Variants in TRIM24 observed in about 807,000 individuals in gnomAD.
TRIM24 encodes tripartite motif containing 24.
A neutral mutation model predicts 123.9 loss-of-function variants in TRIM24; 29 were observed. The observed-to-expected ratio is 0.23, with a 90% confidence interval of 0.17 to 0.32. The LOEUF is 0.32. Ranked by LOEUF, TRIM24 falls within the 10% of genes least tolerant of loss-of-function variation. The pLI is 1.00. For missense variants in TRIM24, 932 were observed against 1,295.3 expected, an observed-to-expected ratio of 0.72 and a Z score of 4.31; for synonymous variants, 456 against 461.1, an observed-to-expected ratio of 0.99 and a Z score of 0.14.
At chr7:138,577,392 T>A (rs1274264234) in intron 13 of TRIM24, 28 bp from the exon 14 acceptor site, 1 of 1,474,784 alleles carries the variant, frequency 6.8e-7, no homozygotes, top group East Asian at 2.5e-5. Flanking sequence ...ATTCTTAGAT[T>A]GCTTTTTCTT....
intron 1 of TRIM24, among the ~76,000 whole-genome samples, chr7:138,465,741 ATATACATATTTT>A (rs1204764913): frequency 6.6e-6 from 1 of 152,188 alleles, no homozygotes; most frequent in African/African-American, 2.4e-5. Context: ...ATATATAAAA[ATATACATATTTT>A]TATTCACCTG....
chr7:138,521,540 A>C lies in TRIM24; in HGVS notation c.764+2219A>C, dbSNP rs539107143. ...TATAAACAAAGGCCAAAAAAATGAG[A>C]AAAAGAAATAAAGAACAGATGGAAT... is the stretch of plus-strand genomic sequence containing the variant. On this transcript the variant is annotated intron_variant, in intron 4 of 18. Coordinates refer to ENST00000343526, the MANE Select transcript of TRIM24 (RefSeq NM_015905.3). Among the ~76,000 whole-genome samples the C allele has an allele frequency of 7.2e-5, 11 of 152,318 alleles. No homozygotes were observed. In the South Asian group the frequency reaches 1.5e-3, roughly 20 times the overall value.
rs922817199 is a variant in TRIM24, at chr7:138,589,435, A to G, written c.*4484A>G. On this transcript the variant is annotated 3_prime_UTR_variant, in exon 19 of 19. Transcript: ENST00000343526. Reference sequence around the variant, plus strand: ...AAATTACTGAATGTTACTTCAGCAGAGTTCTATCTACTTTGAGTCTCCATT... The same window carrying G: ...AAATTACTGAATGTTACTTCAGCAGGGTTCTATCTACTTTGAGTCTCCATT... 9 of 152,214 alleles carry G rather than the reference A, an allele frequency of 5.9e-5. No homozygotes were observed. The highest frequency in any genetic ancestry group is 2.2e-4 in the African/African-American group (9 of 41,454). The allele number at this position is 152,214 out of a possible 1,614,324, so 9.4% of individuals were successfully genotyped here.
chr7:138,481,482 TTGAATTTTA>T (rs1204365258), intron 1 of TRIM24, among the ~76,000 whole-genome samples: 6 of 152,154 alleles, frequency 3.9e-5, no homozygotes, highest in Non-Finnish European at 8.8e-5. Context: ...ATTTGAATTT[TTGAATTTTA>T]TGAATCTCTG....
At position 138,508,788 on chromosome 7, in the gene TRIM24, C is replaced by CT. The variant is rs1296636287; in HGVS notation, c.483+4381dup. ...GCAATAGTCATTGCTGTCTCCCTTG[C>CT]TGTTTTTTCTGTTCTAGACCTTGAA... On this transcript the variant is annotated intron_variant, in intron 2 of 18. Transcript: ENST00000343526. 7.3e-5 allele frequency among the ~76,000 whole-genome samples: 11 copies of CT among 151,552 alleles called. 1 individual carries two copies. Among genetic ancestry groups the CT allele is most frequent in the African/African-American group, 2.2e-4 (9 of 41,318 alleles).
intron 9 of TRIM24, among the ~76,000 whole-genome samples, chr7:138,566,741 C>T (rs1797543422): frequency 1.3e-5 from 2 of 152,112 alleles, no homozygotes; most frequent in African/African-American, 2.4e-5. Context: ...ATACCTACTT[C>T]ATAAGACTCA....
intron 14 of TRIM24, 77 bp downstream of exon 14, chr7:138,577,665 GT>G (rs955226176): frequency 2.0e-4 from 238 of 1,174,520 alleles, no homozygotes; most frequent in South Asian, 3.7e-4. Context: ...GCTCTTAGGA[GT>G]TTTTTTTTAA....
chr7:138,508,724 T>C lies in TRIM24; in HGVS notation c.483+4316T>C, dbSNP rs930730558. On this transcript the variant is annotated intron_variant, in intron 2 of 18. Transcript: ENST00000343526. ...GCGTGTGTGCGTGTGTGTGTGCGTG[T>C]GTGTGTGTGTGTGTGTGTGTGTCAC... is the stretch of plus-strand genomic sequence containing the variant. Among the ~76,000 whole-genome samples, 260 of 148,798 alleles carry C rather than the reference T, an allele frequency of 1.7e-3. 1 individual carries two copies. Among genetic ancestry groups the C allele is most frequent in the Admixed American group, 4.6e-3 (68 of 14,930 alleles).
At chr7:138,476,911 G>A (rs995998020) in intron 1 of TRIM24, among the ~76,000 whole-genome samples, 89 of 152,204 alleles carry the variant, frequency 5.8e-4, no homozygotes, top group African/African-American at 2.0e-3. Flanking sequence ...ATAAATGACT[G>A]GTGGAATAAA....
chr7:138,526,711 C>T (rs1015075308), intron 5 of TRIM24, among the ~76,000 whole-genome samples: 1 of 152,068 alleles, frequency 6.6e-6, no homozygotes, highest in Non-Finnish European at 1.5e-5. Flanking sequence ...ATACCTGGCC[C>T]TGTTTTTACT....
Position 138,490,891 on chromosome 7 carries a change from G to A in TRIM24, c.365-13399G>A, listed in dbSNP as rs1469848879. The A allele has an allele frequency of 9.1e-6, 4 of 437,966 alleles. No homozygotes were observed. In the East Asian group the frequency reaches 1.9e-4, roughly 21 times the overall value. The allele number at this position is 437,966 out of a possible 1,614,324, so 27.1% of individuals were successfully genotyped here. A position where few individuals can be genotyped will look rare whatever the true frequency, so the allele number is the denominator to read the frequency against. On this transcript the variant is annotated intron_variant, in intron 1 of 18. Transcript: ENST00000343526. ...ATCTTCTTCTGGATTTGGCAGACCTGTTGGTGCAGAGCATAAGAGATCTTC... is the reference window on the plus strand; with the variant it reads ...ATCTTCTTCTGGATTTGGCAGACCTATTGGTGCAGAGCATAAGAGATCTTC...
intron 7 of TRIM24, among the ~76,000 whole-genome samples, chr7:138,545,114 C>T (rs1011703149): frequency 1.3e-5 from 2 of 151,976 alleles, no homozygotes; most frequent in African/African-American, 4.8e-5. Context: ...AGACTTGGAC[C>T]GTATCCCCAA....
intron 8 of TRIM24, among the ~76,000 whole-genome samples, chr7:138,552,547 G>A (rs977138714): frequency 2.0e-5 from 3 of 152,044 alleles, no homozygotes; most frequent in African/African-American, 7.2e-5. Flanking sequence ...TATCTTTGAT[G>A]ATTTTGGTGG....
chr7:138,530,559 T>A (rs1796709803), intron 6 of TRIM24, among the ~76,000 whole-genome samples: 1 of 152,040 alleles, frequency 6.6e-6, no homozygotes, highest in Non-Finnish European at 1.5e-5. Context: ...CTCCACCTCC[T>A]GGTCTCAGGT....
intron 7 of TRIM24, among the ~76,000 whole-genome samples, chr7:138,540,877 T>C (rs185041275): frequency 3.5e-3 from 533 of 152,274 alleles, no homozygotes; most frequent in African/African-American, 0.012. Context: ...CTCACTCTGT[T>C]GCCTAGGCTG....
At chr7:138,519,416 A>G (rs1796462463) in intron 4 of TRIM24, 95 bp downstream of exon 4, 1 of 1,441,280 alleles carries the variant, frequency 6.9e-7, no homozygotes, top group Non-Finnish European at 9.3e-7. Context: ...GTCTGCAAAT[A>G]GGTTTTGTTT....
At position 138,505,632 on chromosome 7, in the gene TRIM24, G is replaced by A. The variant is rs144446324; in HGVS notation, c.483+1224G>A. On this transcript the variant is annotated intron_variant, in intron 2 of 18. Coordinates refer to ENST00000343526, the MANE Select transcript of TRIM24 (RefSeq NM_015905.3). ...GCTCACTGCAGTCTCCAACTCCTGG[G>A]CTCAAGTGATTCTCCCACCATAGCC... 2.1e-3 allele frequency among the ~76,000 whole-genome samples: 323 copies of A among 151,994 alleles called. 2 individuals are homozygous for A. Among genetic ancestry groups the A allele is most frequent in the African/African-American group, 7.3e-3 (304 of 41,464 alleles).
intron 18 of TRIM24, among the ~76,000 whole-genome samples, 191 bp from the exon 19 acceptor site, chr7:138,584,551 T>TA (rs1341272223): frequency 6.6e-6 from 1 of 152,228 alleles, no homozygotes; most frequent in African/African-American, 2.4e-5. Flanking sequence ...TCCAGGCTTT[T>TA]ACTTTTATCT....
intron 14 of TRIM24, among the ~76,000 whole-genome samples, chr7:138,578,807 T>C (rs988003638): frequency 9.9e-5 from 15 of 152,162 alleles, no homozygotes; most frequent in African/African-American, 3.6e-4. Flanking sequence ...TTGAAGGAGA[T>C]TGTTTTTGTT....
Sources: allele counts gnomAD v4.1 joint callset (sites outside exome capture counted in the v4.1 genomes callset), GRCh38; gene constraint gnomAD v4.1.1; transcripts MANE v1.5; gene names NCBI Gene and HGNC (gene_info 2026-07-23, HGNC 2026-07-21).